Variants in MOSMO observed in about 807,000 individuals in gnomAD.
The protein encoded by MOSMO is modulator of smoothened protein.
MOSMO carries 5 observed loss-of-function variants against 18.4 expected under a neutral mutation model. That is an observed-to-expected ratio of 0.27 (90% CI 0.14 to 0.57). The LOEUF (loss-of-function observed/expected upper bound fraction) is 0.57, where lower values mean the gene tolerates loss of function less well. Ranked by LOEUF, MOSMO falls within the 20% of genes least tolerant of loss-of-function variation. The pLI is 0.92. For missense variants in MOSMO, 138 were observed against 211.8 expected (o/e 0.65, Z 2.16); for synonymous variants, 82 against 82.3 (o/e 1.00, Z 0.02).
rs1899912988 is a variant in MOSMO at position 22,028,081 on chromosome 16, T to C, written c.106+19674T>C. 2.6e-5 allele frequency among the ~76,000 whole-genome samples: 4 copies of C among 152,316 alleles called. No individual in the cohort carries two copies. The South Asian group carries it at 8.3e-4, about 32-fold the overall frequency. ...ATCCATTTTGAAAAGATGTATGTCT[T>C]TTATCCAGAAGATGTAAAGTATATA... is the stretch of plus-strand genomic sequence containing the variant. On this transcript the variant is annotated intron_variant, in intron 1 of 2. Coordinates refer to ENST00000542527, the MANE Select transcript of MOSMO (RefSeq NM_001164579.2).
In MOSMO at chr16:22,053,942, T is replaced by A. The variant is rs754217416; in HGVS notation, c.107-21545T>A. ...TTGTAGCAAATGTATATAGTACATA[T>A]TCAAATTTTAGTTTTAAAAATGTGT... On this transcript the variant is annotated intron_variant, in intron 1 of 2. Coordinates refer to ENST00000542527, the MANE Select transcript of MOSMO (RefSeq NM_001164579.2). 5.9e-5 allele frequency among the ~76,000 whole-genome samples: 9 copies of A among 152,240 alleles called. No homozygotes were observed. The South Asian group carries it at 8.3e-4, about 14-fold the overall frequency.
rs528144771 is a variant in MOSMO, at chr16:22,072,976, G to A, written c.107-2511G>A. Among the ~76,000 whole-genome samples, 6 of 152,164 alleles carry A rather than the reference G, an allele frequency of 3.9e-5. No individual in the cohort carries two copies. The South Asian group carries it at 6.2e-4, about 16-fold the overall frequency. Reference sequence around the variant, plus strand: ...ATAGCTATTCTTTTAAAGCTAAACCGTGGTCAGATTATTTGCAGTTTTATA... The same window carrying A: ...ATAGCTATTCTTTTAAAGCTAAACCATGGTCAGATTATTTGCAGTTTTATA... On this transcript the variant is annotated intron_variant, in intron 1 of 2. Coordinates refer to ENST00000542527, the MANE Select transcript of MOSMO (RefSeq NM_001164579.2).
intron 1 of MOSMO, among the ~76,000 whole-genome samples, chr16:22,052,639 A>G (rs1172803843): frequency 6.6e-6 from 1 of 152,220 alleles, no homozygotes; most frequent in Non-Finnish European, 1.5e-5. Context: ...ATAAATGTTG[A>G]GAACACTATA....
intron 1 of MOSMO, chr16:22,064,361 C>G (rs1259054785): frequency 4.4e-6 from 2 of 456,462 alleles, no homozygotes; most frequent in Admixed American, 4.7e-5. Flanking sequence ...CAGCTCAGTT[C>G]TGTGTACAAA....
At chr16:22,008,734 T>G (rs1483951552) in intron 1 of MOSMO, among the ~76,000 whole-genome samples, 5 of 124,706 alleles carry the variant, frequency 4.0e-5, no homozygotes, top group Admixed American at 8.6e-5. Flanking sequence ...GGAATGAGCT[T>G]CGTTCTGGAT....
intron 1 of MOSMO, among the ~76,000 whole-genome samples, chr16:22,055,102 T>G (rs554878405): frequency 6.6e-6 from 1 of 152,280 alleles, no homozygotes; most frequent in East Asian, 1.9e-4. Context: ...CTTCTCTCCA[T>G]TTGTTTTTGA....
chr16:22,091,364 A>G (rs1598034610), downstream of MOSMO, among the ~76,000 whole-genome samples: 1 of 152,138 alleles, frequency 6.6e-6, no homozygotes, highest in East Asian at 1.9e-4. Context: ...TCCCTACCAT[A>G]TGATGACTAC....
chr16:22,025,151 TAA>T (rs200351979), intron 1 of MOSMO, among the ~76,000 whole-genome samples: 12 of 133,112 alleles, frequency 9.0e-5, no homozygotes, highest in Admixed American at 2.3e-4. Context: ...AGACTCTGTC[TAA>T]AAAAAAAAAA....
In MOSMO at chr16:22,036,301, A is replaced by G. The variant is rs550365803; in HGVS notation, c.106+27894A>G. Among the ~76,000 whole-genome samples the G allele has an allele frequency of 8.2e-4, 124 of 151,808 alleles. 1 individual carries two copies. The highest frequency in any genetic ancestry group is 1.3e-3 in the South Asian group (6 of 4,792). On this transcript the variant is annotated intron_variant, in intron 1 of 2. Coordinates refer to ENST00000542527, the MANE Select transcript of MOSMO (RefSeq NM_001164579.2). ...ACCACCATGCCTGGCTAATTTTTGT[A>G]TTTTTGTGGAGACAGGGTCTCCTGA...
intron 1 of MOSMO, among the ~76,000 whole-genome samples, chr16:22,061,870 T>A (rs980546449): frequency 6.6e-6 from 1 of 152,238 alleles, no homozygotes; most frequent in African/African-American, 2.4e-5. Context: ...TTTCAGAAGT[T>A]GAAAATTGGG....
chr16:22,044,291 C>T (rs868349068), intron 1 of MOSMO, among the ~76,000 whole-genome samples: 2 of 152,146 alleles, frequency 1.3e-5, no homozygotes, highest in Non-Finnish European at 1.5e-5. Context: ...GTTAGGTAGC[C>T]AGAAGTGTTG....
chr16:22,086,352 G>A (rs529813318), downstream of MOSMO, among the ~76,000 whole-genome samples: 33 of 151,958 alleles, frequency 2.2e-4, no homozygotes, highest in South Asian at 6.2e-4. Context: ...TCTCTCTCTC[G>A]TCACTTCTTA....
At chr16:22,056,390 T>TG (rs1900535745) in intron 1 of MOSMO, among the ~76,000 whole-genome samples, 3 of 93,550 alleles carry the variant, frequency 3.2e-5, no homozygotes, top group South Asian at 3.9e-4. Flanking sequence ...TTTTTTTTTT[T>TG]GAGACAGTTT....
downstream of MOSMO, chr16:22,085,992 T>A (rs2141795087): frequency 6.6e-6 from 1 of 152,272 alleles, no homozygotes; most frequent in East Asian, 1.9e-4. Context: ...AAAGAGCATG[T>A]CCAGTGTTTT....
intron 1 of MOSMO, 168 bp from the exon 2 acceptor site, chr16:22,075,319 A>G (rs1448966194): frequency 2.8e-6 from 2 of 702,914 alleles, no homozygotes; most frequent in Admixed American, 2.0e-5. Context: ...TAAACTAAGT[A>G]TTACTACGTT....
chr16:22,025,662 T>C (rs1899861371), intron 1 of MOSMO, among the ~76,000 whole-genome samples: 1 of 152,218 alleles, frequency 6.6e-6, no homozygotes, highest in Non-Finnish European at 1.5e-5. Flanking sequence ...CTCTTAATGA[T>C]GGGATATAAC....
intron 1 of MOSMO, among the ~76,000 whole-genome samples, chr16:22,010,984 A>C (rs1051074289): frequency 6.6e-6 from 1 of 151,886 alleles, no homozygotes; most frequent in South Asian, 2.1e-4. Context: ...GAAAGCAAGG[A>C]TAGAATGAGT....
chr16:22,026,656 T>C (rs1899883574), intron 1 of MOSMO, among the ~76,000 whole-genome samples: 1 of 152,198 alleles, frequency 6.6e-6, no homozygotes, highest in African/African-American at 2.4e-5. Context: ...ATAGCGGAAA[T>C]GAGTATTACT....
intron 2 of MOSMO, chr16:22,076,152 C>T (rs1900963170): frequency 1.2e-5 from 2 of 168,908 alleles, no homozygotes; most frequent in Admixed American, 1.1e-4. Flanking sequence ...AAAATCAACA[C>T]ATTTTGTTAT....
Sources: allele counts gnomAD v4.1 joint callset (sites outside exome capture counted in the v4.1 genomes callset), GRCh38; gene constraint gnomAD v4.1.1; transcripts MANE v1.5; gene names NCBI Gene and HGNC (gene_info 2026-07-23, HGNC 2026-07-21).